DLG2: variants seen among roughly 807,000 people sequenced by gnomAD.
DLG2 encodes the protein discs large MAGUK scaffold protein 2, also known as disks large homolog 2.
In DLG2, 45 loss-of-function variants were observed where a neutral mutation model predicts 132.5. The observed-to-expected ratio is 0.34, with a 90% CI of 0.27 to 0.44. The LOEUF is 0.44. DLG2 is among the 20% of genes least tolerant of loss of function. The pLI is 1.00. For missense variants in DLG2, 1,045 were observed against 1,196.9 expected (o/e 0.87, Z 1.87); for synonymous variants, 424 against 419.6 (o/e 1.01, Z -0.13).
intron 7 of DLG2, among the ~76,000 whole-genome samples, chr11:84,313,540 G>T (rs2098315117): frequency 8.9e-6 from 1 of 112,302 alleles, no homozygotes; most frequent in East Asian, 3.4e-4. Flanking sequence ...AAGAAAGGAA[G>T]GAAGGAAGGG....
At chr11:85,432,879 G>C (rs2091270599) in intron 3 of DLG2, among the ~76,000 whole-genome samples, 1 of 152,032 alleles carries the variant, frequency 6.6e-6, no homozygotes, top group African/African-American at 2.4e-5. Flanking sequence ...GATTCCCCAA[G>C]CTCAAAATGA....
chr11:85,220,451 A>G (rs1413048098), intron 4 of DLG2, among the ~76,000 whole-genome samples: 1 of 152,046 alleles, frequency 6.6e-6, no homozygotes, highest in Non-Finnish European at 1.5e-5. Context: ...GGTGATGACT[A>G]CAAAGATAAG....
At chr11:84,652,815 C>T (rs1484561852) in intron 6 of DLG2, among the ~76,000 whole-genome samples, 2 of 151,912 alleles carry the variant, frequency 1.3e-5, no homozygotes, top group Non-Finnish European at 2.9e-5. Flanking sequence ...ACCCAATGCA[C>T]AGAGTTAGCA....
At chr11:85,165,172 C>A (rs926108627) in intron 4 of DLG2, among the ~76,000 whole-genome samples, 6 of 152,154 alleles carry the variant, frequency 3.9e-5, no homozygotes, top group Non-Finnish European at 8.8e-5. Flanking sequence ...GCCTGTCTAA[C>A]AAGTGCAGTC....
chr11:84,345,900 A>C (rs1332561744), intron 7 of DLG2, among the ~76,000 whole-genome samples: 1 of 152,216 alleles, frequency 6.6e-6, no homozygotes, highest in Non-Finnish European at 1.5e-5. Context: ...TGGCCTACAA[A>C]GCCAAAAATA....
At chr11:83,734,570 C>G (rs1236699395) in intron 18 of DLG2, among the ~76,000 whole-genome samples, 1 of 152,102 alleles carries the variant, frequency 6.6e-6, no homozygotes, top group Non-Finnish European at 1.5e-5. Context: ...TCTTCCTCAG[C>G]CTCCCGAGTA....
intron 9 of DLG2, among the ~76,000 whole-genome samples, chr11:84,155,945 A>G (rs2095419615): frequency 6.6e-6 from 1 of 152,194 alleles, no homozygotes; most frequent in South Asian, 2.1e-4. Context: ...TTTTAAATAC[A>G]TCACTTTGGC....
At chr11:85,209,446 T>TTTTTTA (rs1491192525) in intron 4 of DLG2, among the ~76,000 whole-genome samples, 5 of 23,888 alleles carry the variant, frequency 2.1e-4, no homozygotes, top group African/African-American at 5.6e-4. Context: ...GAAATCAGTC[T>TTTTTTA]TTTTTTTTTT....
chr11:84,984,263 C>T lies in DLG2; in HGVS notation c.357+127398G>A, dbSNP rs555629626. ...AATCTTAAGAGCTGTAAGGCAAAAA[C>T]ACCAGGTAACCCAGATTTCTATGCA... On this transcript the variant is annotated intron_variant, in intron 6 of 27. Coordinates refer to ENST00000376104, the MANE Select transcript of DLG2 (RefSeq NM_001142699.3). Among the ~76,000 whole-genome samples the T allele has an allele frequency of 3.3e-5, 5 of 152,102 alleles. No individual in the cohort carries two copies. In the South Asian group the frequency reaches 1.0e-3, roughly 32 times the overall value.
intron 3 of DLG2, among the ~76,000 whole-genome samples, chr11:85,485,802 G>A (rs963654361): frequency 3.3e-5 from 5 of 152,210 alleles, no homozygotes; most frequent in Admixed American, 6.5e-5. Flanking sequence ...CCCACATGGA[G>A]TCCCACAGGT....
At chr11:83,604,662 T>C (rs1340011694) in intron 19 of DLG2, among the ~76,000 whole-genome samples, 2 of 152,186 alleles carry the variant, frequency 1.3e-5, no homozygotes, top group African/African-American at 4.8e-5. Context: ...GTGATAATGA[T>C]GTGTCAATGC....
chr11:84,633,313 T>A (rs184505243), intron 6 of DLG2, among the ~76,000 whole-genome samples: 2 of 152,306 alleles, frequency 1.3e-5, no homozygotes, highest in Admixed American at 1.3e-4. Flanking sequence ...ACATTTCATT[T>A]CAGCCACACT....
chr11:83,621,838 G>T lies in DLG2; in HGVS notation c.1940+11373C>A, dbSNP rs142882832. 3.1e-3 allele frequency among the ~76,000 whole-genome samples: 465 copies of T among 152,046 alleles called. 7 individuals are homozygous for T. Among genetic ancestry groups the T allele is most frequent in the African/African-American group, 0.011 (443 of 41,490 alleles). On this transcript the variant is annotated intron_variant, in intron 19 of 27. Coordinates refer to ENST00000376104, the MANE Select transcript of DLG2 (RefSeq NM_001142699.3). ...GGGGGTCAACAGGAATGGCTTCATG[G>T]GTATGAGACCTGTGTTCCCCCGTCC...
At chr11:84,952,525 A>C (rs538451605) in intron 6 of DLG2, among the ~76,000 whole-genome samples, 2 of 152,264 alleles carry the variant, frequency 1.3e-5, no homozygotes, top group East Asian at 3.9e-4. Flanking sequence ...TCAAAAAGAA[A>C]AAGAATAAAA....
intron 6 of DLG2, among the ~76,000 whole-genome samples, chr11:84,596,940 G>A (rs1438755637): frequency 1.3e-5 from 2 of 152,112 alleles, no homozygotes; most frequent in Non-Finnish European, 2.9e-5. Context: ...ATCTACTGTG[G>A]CCAGACTCAG....
chr11:84,579,529 G>A (rs141571677), intron 6 of DLG2, among the ~76,000 whole-genome samples: 126 of 152,256 alleles, frequency 8.3e-4, no homozygotes, highest in African/African-American at 2.9e-3. Flanking sequence ...CAGAATATAT[G>A]TGCAAGGACC....
intron 21 of DLG2, among the ~76,000 whole-genome samples, chr11:83,495,895 C>T (rs538946269): frequency 1.3e-5 from 2 of 152,054 alleles, no homozygotes; most frequent in African/African-American, 4.8e-5. Flanking sequence ...AGAAAACATA[C>T]AATATACTTA....
intron 18 of DLG2, among the ~76,000 whole-genome samples, chr11:83,731,995 T>C (rs1051775980): frequency 6.6e-6 from 1 of 152,238 alleles, no homozygotes; most frequent in Non-Finnish European, 1.5e-5. Flanking sequence ...TCAATGTTAC[T>C]AGTGCTTTGT....
intron 3 of DLG2, among the ~76,000 whole-genome samples, chr11:85,490,508 T>C (rs968277930): frequency 6.6e-6 from 1 of 151,784 alleles, no homozygotes; most frequent in Non-Finnish European, 1.5e-5. Context: ...AATGAAAAAT[T>C]TGTTCTTTCA....
Sources: gnomAD v4.1 joint callset for allele counts (sites outside exome capture counted in the v4.1 genomes callset) on GRCh38, gnomAD v4.1.1 for gene constraint, MANE v1.5 for transcripts, NCBI Gene and HGNC (gene_info 2026-07-23, HGNC 2026-07-21) for gene names.